TYW1B: variants seen among roughly 807,000 people sequenced by gnomAD.
TYW1B encodes tRNA-yW synthesizing protein 1 homolog B, also known as S-adenosyl-L-methionine-dependent tRNA 4-demethylwyosine synthase TYW1B.
TYW1B carries 73 observed loss-of-function variants against 86.9 expected under a neutral mutation model. That is an observed-to-expected ratio of 0.84 (90% CI 0.70 to 1.02). TYW1B has a LOEUF of 1.02. TYW1B is among the 50% of genes least tolerant of loss of function. TYW1B has a pLI of 0.00. For synonymous variants in TYW1B, 248 were observed against 292.8 expected, an observed-to-expected ratio of 0.85 and a Z score of 1.56; for missense variants, 637 against 827.4, an observed-to-expected ratio of 0.77 and a Z score of 2.82.
At chr7:72,768,552 C>G (rs1291912334) in intron 7 of TYW1B, among the ~76,000 whole-genome samples, 1 of 152,092 alleles carries the variant, frequency 6.6e-6, no homozygotes, top group African/African-American at 2.4e-5. Context: ...CTTTGGGAGG[C>G]CGAGGCGGGC....
intron 13 of TYW1B, among the ~76,000 whole-genome samples, chr7:72,585,668 C>T (rs868926160): frequency 3.9e-5 from 6 of 152,080 alleles, no homozygotes; most frequent in South Asian, 2.1e-4. Flanking sequence ...GATGGTTTTA[C>T]GAAGGGGGGT....
At chr7:72,761,567 G>C (rs1787685568) in intron 7 of TYW1B, among the ~76,000 whole-genome samples, 1 of 149,574 alleles carries the variant, frequency 6.7e-6, no homozygotes, top group African/African-American at 2.5e-5. Flanking sequence ...CTCCAGTCTG[G>C]CTGACAGAGT....
chr7:72,708,582 T>C (rs1355959728), intron 10 of TYW1B, among the ~76,000 whole-genome samples: 2 of 152,162 alleles, frequency 1.3e-5, no homozygotes, highest in Non-Finnish European at 2.9e-5. Context: ...TAAAGGAAAC[T>C]TCCAAAATAC....
At chr7:72,703,226 G>A (rs1267823716) in intron 10 of TYW1B, among the ~76,000 whole-genome samples, 3 of 150,848 alleles carry the variant, frequency 2.0e-5, no homozygotes, top group South Asian at 2.1e-4. Flanking sequence ...GGGTATCACC[G>A]TGTTAGCCAG....
chr7:72,804,747 G>C (rs1788464506), intron 5 of TYW1B, among the ~76,000 whole-genome samples: 3 of 152,108 alleles, frequency 2.0e-5, no homozygotes, highest in African/African-American at 7.2e-5. Flanking sequence ...GGCTGAGATA[G>C]GAGGATCACT....
Position 72,816,240 on chromosome 7 carries a change from G to A in TYW1B, c.136-759C>T, listed in dbSNP as rs2867754. Among the ~76,000 whole-genome samples the A allele has an allele frequency of 6.7e-3, 1,016 of 152,020 alleles. 7 individuals are homozygous for A. The highest frequency in any genetic ancestry group is 0.023 in the African/African-American group (951 of 41,456). On this transcript the variant is annotated intron_variant, in intron 2 of 13. Coordinates refer to ENST00000620995, the MANE Select transcript of TYW1B (RefSeq NM_001145440.3). ...AAAAATACAAAATTAGCCAAGCGTG[G>A]TGGCACACACCTATAATCCCAGCTA...
At chr7:72,645,704 G>A (rs1554441963) in intron 11 of TYW1B, among the ~76,000 whole-genome samples, 3 of 151,970 alleles carry the variant, frequency 2.0e-5, no homozygotes, top group East Asian at 1.9e-4. Context: ...ATTCCACAAC[G>A]TTCAAAACCA....
At chr7:72,715,908 T>C (rs750979708) in intron 9 of TYW1B, among the ~76,000 whole-genome samples, 22 of 152,150 alleles carry the variant, frequency 1.4e-4, no homozygotes, top group Non-Finnish European at 2.8e-4. Context: ...CTCCGACTCC[T>C]ATTGGACATC....
chr7:72,594,342 A>T (rs1585833265), intron 13 of TYW1B, among the ~76,000 whole-genome samples: 1 of 79,238 alleles, frequency 1.3e-5, no homozygotes. Flanking sequence ...ATTCTGCATT[A>T]AAAAAAAAAA....
rs1398761400 is a variant in TYW1B at position 72,708,441 on chromosome 7, CTT to C, written c.1370+5178_1370+5179del. 7.9e-5 allele frequency among the ~76,000 whole-genome samples: 12 copies of C among 152,312 alleles called. No homozygotes were observed. In the East Asian group the frequency reaches 2.3e-3, roughly 29 times the overall value. ...ACCTATTGACTGTCAAGCTGCCCTT[CTT>C]GTTTCTCTCTTCTTTAATTCTTACA... is the stretch of plus-strand genomic sequence containing the variant. On this transcript the variant is annotated intron_variant, in intron 10 of 13. Transcript: ENST00000620995.
At chr7:72,806,899 C>G (rs1369809047) in intron 5 of TYW1B, among the ~76,000 whole-genome samples, 167 bp downstream of exon 5, 1 of 152,248 alleles carries the variant, frequency 6.6e-6, no homozygotes, top group East Asian at 1.9e-4. Flanking sequence ...GCAATACCCC[C>G]ACCTTGGCCT....
chr7:72,718,798 G>A lies in TYW1B; in HGVS notation c.1193-5000C>T, dbSNP rs188906403. The stretch of plus-strand genomic sequence containing the variant: ...TTAACTATAATCCCCACCATGAGCA[G>A]CTGAGTAGAAAGGCAGGTTGAACCT... On this transcript the variant is annotated intron_variant, in intron 9 of 13. Coordinates refer to ENST00000620995, the MANE Select transcript of TYW1B (RefSeq NM_001145440.3). Among the ~76,000 whole-genome samples, 1,082 of 152,278 alleles carry A rather than the reference G, an allele frequency of 7.1e-3. 18 individuals are homozygous for A. The highest frequency in any genetic ancestry group is 0.025 in the African/African-American group (1,054 of 41,554).
intron 5 of TYW1B, 67 bp from the exon 6 acceptor site, chr7:72,802,589 T>C: frequency 6.3e-7 from 1 of 1,576,838 alleles, no homozygotes; most frequent in Non-Finnish European, 8.6e-7. Flanking sequence ...TCACCCTCCC[T>C]CCCACACTGA....
chr7:72,791,557 C>T (rs557517579), intron 6 of TYW1B, among the ~76,000 whole-genome samples: 3 of 151,940 alleles, frequency 2.0e-5, no homozygotes, highest in Admixed American at 6.6e-5. Flanking sequence ...GTGGGCGGAT[C>T]ATAAGATCAG....
chr7:72,794,755 G>C (rs1788277992), intron 6 of TYW1B, among the ~76,000 whole-genome samples: 1 of 151,636 alleles, frequency 6.6e-6, no homozygotes, highest in African/African-American at 2.4e-5. Context: ...CAAAACACAT[G>C]ACTAGGAGAG....
At chr7:72,582,488 T>C (rs1461545158) in intron 13 of TYW1B, among the ~76,000 whole-genome samples, 3 of 152,272 alleles carry the variant, frequency 2.0e-5, no homozygotes, top group South Asian at 2.1e-4. Flanking sequence ...ATAGGGAGAA[T>C]GAAAACACGT....
chr7:72,594,272 A>G (rs1811474271), intron 13 of TYW1B, among the ~76,000 whole-genome samples: 1 of 152,016 alleles, frequency 6.6e-6, no homozygotes, highest in Non-Finnish European at 1.5e-5. Flanking sequence ...AGCTGGATGA[A>G]TTTTTAAAAA....
In TYW1B at chr7:72,807,357, C is replaced by T; in HGVS notation, c.433-1G>A. ...GCCACTTGTCAACATTTTTGCCAAC[C>T]TGCGAGGAAAAGATAGATAGGCTAA... On this transcript the variant is annotated splice_acceptor_variant, in intron 4 of 13. Coordinates refer to ENST00000620995, the MANE Select transcript of TYW1B (RefSeq NM_001145440.3). LOFTEE classifies it high-confidence loss of function. The T allele has an allele frequency of 6.2e-7, 1 of 1,610,590 alleles. No individual in the cohort carries two copies.
At chr7:72,608,208 T>C (rs1407716417) in intron 13 of TYW1B, among the ~76,000 whole-genome samples, 1 of 152,160 alleles carries the variant, frequency 6.6e-6, no homozygotes, top group Non-Finnish European at 1.5e-5. Flanking sequence ...ATGGGGAAGA[T>C]TCCAAAGGAA....
Sources: allele counts gnomAD v4.1 joint callset (sites outside exome capture counted in the v4.1 genomes callset), GRCh38; gene constraint gnomAD v4.1.1; transcripts MANE v1.5; gene names NCBI Gene and HGNC (gene_info 2026-07-23, HGNC 2026-07-21).